The following IL1RAP variants were observed in gnomAD, a reference collection of about 807,000 sequenced individuals.
The protein encoded by IL1RAP is interleukin-1 receptor accessory protein.
IL1RAP carries 35 observed loss-of-function variants against 60.7 expected under a neutral mutation model. The observed-to-expected ratio is 0.58, with a 90% CI of 0.44 to 0.76. The LOEUF (loss-of-function observed/expected upper bound fraction) is 0.76. IL1RAP is among the 30% of genes least tolerant of loss of function. The probability of loss-of-function intolerance (pLI) is 0.00; values close to 1 mark genes in which losing one functional copy is unlikely to be tolerated. For synonymous variants in IL1RAP, 268 were observed against 250.9 expected, an observed-to-expected ratio of 1.07 and a Z score of -0.64; for missense variants, 572 against 693.9, an observed-to-expected ratio of 0.82 and a Z score of 1.97.
chr3:190,649,759 C>G lies in IL1RAP; in HGVS notation c.*1054C>G. ...TATTCTAAGAGAATTAACTGTATTT[C>G]CTGTCACCTATTCACTAGTGCAGGA... On this transcript the variant is annotated 3_prime_UTR_variant, in exon 12 of 12. Transcript: ENST00000447382. 8 of 985,578 alleles carry G rather than the reference C, an allele frequency of 8.1e-6. No individual in the cohort carries two copies. Among genetic ancestry groups the G allele is most frequent in the Non-Finnish European group, 8.4e-6 (7 of 829,910 alleles). 61.1% of individuals were successfully genotyped at this position (985,578 alleles called of 1,614,324 possible).
chr3:190,559,748 AT>A (rs1203289843), intron 2 of IL1RAP, among the ~76,000 whole-genome samples: 1 of 152,144 alleles, frequency 6.6e-6, no homozygotes, highest in Non-Finnish European at 1.5e-5. Context: ...CATACTTTGA[AT>A]TCTTTTAAAT....
intron 3 of IL1RAP, among the ~76,000 whole-genome samples, chr3:190,575,908 G>A (rs1727402620): frequency 6.6e-6 from 1 of 152,178 alleles, no homozygotes. Context: ...GAATTGCTGA[G>A]TTGGTAAGAA....
intron 1 of IL1RAP, among the ~76,000 whole-genome samples, chr3:190,522,419 G>GTATCTATC (rs36196626): frequency 0.011 from 1,633 of 142,708 alleles, 14 homozygotes; most frequent in African/African-American, 0.025. Context: ...ATGTATCTAT[G>GTATCTATC]TATCTATCTA....
chr3:190,648,580 A>G lies in IL1RAP; in HGVS notation c.1588A>G (p.Lys530Glu). The change falls in exon 12 of 12, where the codon AAA (lysine) becomes GAA (glutamate). Residue 530 changes from lysine (K) to glutamate (E), a missense_variant. By Grantham distance (56) the Lys-to-Glu change is moderately conservative. Coordinates refer to ENST00000447382, the MANE Select transcript of IL1RAP (RefSeq NM_002182.4). ...VLTVIKWKGE[K>E]SKYPQGRFWK... ...CACGGTCATTAAATGGAAAGGGGAA[A>G]AATCCAAGTATCCACAGGGCAGGTT... 6.2e-7 allele frequency: 1 copy of G among 1,614,140 alleles called. No homozygotes were observed. The highest frequency in any genetic ancestry group is 8.5e-7 in the Non-Finnish European group (1 of 1,180,028).
intron 5 of IL1RAP, among the ~76,000 whole-genome samples, chr3:190,613,414 C>G (rs890176590): frequency 2.6e-5 from 4 of 152,074 alleles, no homozygotes; most frequent in African/African-American, 9.7e-5. Flanking sequence ...GGAGAAAAAT[C>G]AGAGCTAAAG....
In IL1RAP at chr3:190,649,112, TC is replaced by T. The variant is rs1415938548; in HGVS notation, c.*408del. ...GGTCATGAGTTTCCGAGTATAGTTT[TC>T]TTTTTATCTTATTTTTACTCGTCCG... On this transcript the variant is annotated 3_prime_UTR_variant, in exon 12 of 12. Coordinates refer to ENST00000447382, the MANE Select transcript of IL1RAP (RefSeq NM_002182.4). 4.0e-6 allele frequency: 4 copies of T among 988,272 alleles called. No individual in the cohort carries two copies. The African/African-American group carries it at 7.0e-5, about 17-fold the overall frequency. The allele number at this position is 988,272 out of a possible 1,614,324, so 61.2% of individuals were successfully genotyped here.
At chr3:190,631,356 C>T (rs1161993628) in intron 9 of IL1RAP, among the ~76,000 whole-genome samples, 6 of 152,170 alleles carry the variant, frequency 3.9e-5, no homozygotes, top group Non-Finnish European at 7.4e-5. Context: ...ACCAGAGTAG[C>T]TCCCCTTTTA....
At chr3:190,600,914 G>C (rs75747779) in intron 3 of IL1RAP, among the ~76,000 whole-genome samples, 2,083 of 152,170 alleles carry the variant, frequency 0.014, 35 homozygotes, top group African/African-American at 0.039. Context: ...TGTCCATGTT[G>C]GTATCACTAT....
In IL1RAP at chr3:190,650,894, T is replaced by A; in HGVS notation, c.*2189T>A. On this transcript the variant is annotated 3_prime_UTR_variant, in exon 12 of 12. Coordinates refer to ENST00000447382, the MANE Select transcript of IL1RAP (RefSeq NM_002182.4). ...GGACCATTCTCTTGCCAATGCTGCA[T>A]TCCTTTTGCACTTTTGGATTCCATA... 1 of 985,382 alleles carries A rather than the reference T, an allele frequency of 1.0e-6. No homozygotes were observed. Among genetic ancestry groups the A allele is most frequent in the Non-Finnish European group, 1.2e-6 (1 of 829,882 alleles). 61.0% of individuals were successfully genotyped at this position (985,382 alleles called of 1,614,324 possible).
chr3:190,595,274 G>T (rs1577685226), intron 3 of IL1RAP, among the ~76,000 whole-genome samples: 1 of 152,244 alleles, frequency 6.6e-6, no homozygotes, highest in East Asian at 1.9e-4. Flanking sequence ...AATGCCACTA[G>T]GTATCAAAGT....
downstream of IL1RAP, among the ~76,000 whole-genome samples, chr3:190,653,424 A>C (rs568136363): frequency 2.6e-5 from 4 of 152,380 alleles, no homozygotes; most frequent in South Asian, 8.3e-4. Context: ...AAATAGGGAT[A>C]AATGGAGAAA....
chr3:190,542,764 T>C (rs1307803752), intron 1 of IL1RAP, among the ~76,000 whole-genome samples: 1 of 152,114 alleles, frequency 6.6e-6, no homozygotes, highest in Non-Finnish European at 1.5e-5. Flanking sequence ...GAATTTCTGT[T>C]ATATTATTTC....
At chr3:190,641,120 C>G (rs1733632547) in intron 9 of IL1RAP, among the ~76,000 whole-genome samples, 2 of 152,280 alleles carry the variant, frequency 1.3e-5, no homozygotes, top group South Asian at 4.1e-4. Flanking sequence ...CATGCGCCAC[C>G]ACACCCGGCT....
intron 1 of IL1RAP, among the ~76,000 whole-genome samples, chr3:190,516,990 G>A (rs980078761): frequency 4.6e-5 from 7 of 152,072 alleles, no homozygotes; most frequent in Non-Finnish European, 7.4e-5. Context: ...CTGTTTCCTC[G>A]CCAATGAGAT....
At chr3:190,516,443 G>C (rs139977450) in intron 1 of IL1RAP, 1 of 152,202 alleles carries the variant, frequency 6.6e-6, no homozygotes, top group South Asian at 2.1e-4. Flanking sequence ...TCAAAGAAAG[G>C]TTGGTCAATT....
chr3:190,650,742 G>A lies in IL1RAP; in HGVS notation c.*2037G>A, dbSNP rs1734344421. 9.2e-6 allele frequency: 9 copies of A among 983,016 alleles called. No homozygotes were observed. The highest frequency in any genetic ancestry group is 1.1e-5 in the Non-Finnish European group (9 of 827,928). The allele number at this position is 983,016 out of a possible 1,614,324, so 60.9% of individuals were successfully genotyped here. ...GCCTTATTAATATTTTTCCCTATTA[G>A]AAACCACAATTACTCCCTCTATTAA... On this transcript the variant is annotated 3_prime_UTR_variant, in exon 12 of 12. Transcript: ENST00000447382.
intron 5 of IL1RAP, chr3:190,615,285 T>C: frequency 7.9e-7 from 1 of 1,261,490 alleles, no homozygotes; most frequent in Non-Finnish European, 1.0e-6. Context: ...AAATATACCA[T>C]GTGTATAAAT....
intron 7 of IL1RAP, among the ~76,000 whole-genome samples, chr3:190,625,320 C>T (rs1231474448): frequency 6.6e-6 from 1 of 152,064 alleles, no homozygotes; most frequent in Admixed American, 6.5e-5. Flanking sequence ...ATGGTTTCTG[C>T]AGAGCACAAT....
rs777039286 is a variant in IL1RAP, at chr3:190,588,444, A to G, written c.65-15684A>G. Among the ~76,000 whole-genome samples, 3 of 152,188 alleles carry G rather than the reference A, an allele frequency of 2.0e-5. No homozygotes were observed. The East Asian group carries it at 5.8e-4, about 29-fold the overall frequency. Reference sequence around the variant, plus strand: ...TTCTAAGCAACCATCTTCATTATTCATTTTCCACTAGGCAGGGAATCACAT... The same window carrying G: ...TTCTAAGCAACCATCTTCATTATTCGTTTTCCACTAGGCAGGGAATCACAT... On this transcript the variant is annotated intron_variant, in intron 3 of 11. Coordinates refer to ENST00000447382, the MANE Select transcript of IL1RAP (RefSeq NM_002182.4).
Sources: gnomAD v4.1 joint callset for allele counts (sites outside exome capture counted in the v4.1 genomes callset) on GRCh38, gnomAD v4.1.1 for gene constraint, MANE v1.5 for transcripts, NCBI Gene and HGNC (gene_info 2026-07-23, HGNC 2026-07-21) for gene names.